Variants in LIMA1 observed in about 807,000 individuals in gnomAD.
LIMA1 encodes LIM domain and actin binding 1, also known as LIM domain and actin-binding protein 1.
A neutral mutation model predicts 62.6 loss-of-function variants in LIMA1; 52 were observed. The ratio of observed to expected loss-of-function variants is 0.83; its 90% CI spans 0.67 to 1.05. LIMA1 has a LOEUF of 1.05. Ranked by LOEUF, LIMA1 falls within the 50% of genes least tolerant of loss-of-function variation. The pLI is 0.00. For synonymous variants in LIMA1, 302 were observed against 317.8 expected, an observed-to-expected ratio of 0.95 and a Z score of 0.53; for missense variants, 780 against 902.2, an observed-to-expected ratio of 0.86 and a Z score of 1.74.
intron 1 of LIMA1, among the ~76,000 whole-genome samples, chr12:50,259,534 TA>T: frequency 6.6e-6 from 1 of 152,198 alleles, no homozygotes; most frequent in East Asian, 1.9e-4. Flanking sequence ...AGGAAGCATA[TA>T]TTTTTCAGAA....
intron 8 of LIMA1, among the ~76,000 whole-genome samples, chr12:50,193,501 ATATG>A (rs1940829510): frequency 7.4e-6 from 1 of 134,716 alleles, no homozygotes; most frequent in African/African-American, 2.7e-5. Flanking sequence ...TATATATCAT[ATATG>A]TGTATATATG....
At chr12:50,201,160 C>T (rs1220805327) in intron 6 of LIMA1, 2 of 1,165,494 alleles carry the variant, frequency 1.7e-6, no homozygotes, top group Non-Finnish European at 2.1e-6. Context: ...ACACAGAACA[C>T]CCCAAGCATA....
In LIMA1 at chr12:50,176,309, A is replaced by G. The variant is rs1376925592; in HGVS notation, c.*755T>C. On this transcript the variant is annotated 3_prime_UTR_variant, in exon 11 of 11. Transcript: ENST00000341247. ...CTTTCAGTAATTATGAGAAGCACAG[A>G]TATCACCAGAAAAGAAAGCAATCAT... The G allele has an allele frequency of 6.6e-6, 1 of 152,206 alleles. No individual in the cohort carries two copies. Among genetic ancestry groups the G allele is most frequent in the African/African-American group, 2.4e-5 (1 of 41,458 alleles). The allele number at this position is 152,206 out of a possible 1,614,324, so 9.4% of individuals were successfully genotyped here.
At chr12:50,267,631 T>A (rs1942155763) in intron 1 of LIMA1, among the ~76,000 whole-genome samples, 1 of 152,120 alleles carries the variant, frequency 6.6e-6, no homozygotes, top group Admixed American at 6.6e-5. Flanking sequence ...GCAATTCTCC[T>A]GCCTCAGCCT....
At chr12:50,225,767 G>A (rs1229406160) in intron 3 of LIMA1, among the ~76,000 whole-genome samples, 2 of 151,966 alleles carry the variant, frequency 1.3e-5, no homozygotes, top group East Asian at 3.9e-4. Flanking sequence ...GGCCAGGCTG[G>A]TCCTGACCTC....
At chr12:50,200,123 G>A (rs1592512465) in intron 7 of LIMA1, among the ~76,000 whole-genome samples, 1 of 152,020 alleles carries the variant, frequency 6.6e-6, no homozygotes. Context: ...TCGAACTCTC[G>A]ACCTCAGATG....
intron 4 of LIMA1, among the ~76,000 whole-genome samples, chr12:50,207,659 C>T (rs555682069): frequency 1.3e-5 from 2 of 151,984 alleles, no homozygotes; most frequent in Admixed American, 6.6e-5. Context: ...GAGGCCAAGG[C>T]GGGCAGATTG....
intron 1 of LIMA1, among the ~76,000 whole-genome samples, chr12:50,252,579 C>CA (rs397936373): frequency 0.43 from 25,195 of 58,552 alleles, 4,986 homozygotes; most frequent in South Asian, 0.48. Flanking sequence ...GAAACTGTCT[C>CA]AAAAAAAAAA....
chr12:50,247,085 G>A lies in LIMA1; in HGVS notation c.119+1548C>T, dbSNP rs2138634636. Among the ~76,000 whole-genome samples the A allele has an allele frequency of 1.3e-5, 2 of 152,188 alleles. 1 individual carries two copies. Among genetic ancestry groups the A allele is most frequent in the South Asian group, 4.2e-4 (2 of 4,812 alleles). On this transcript the variant is annotated intron_variant, in intron 2 of 10. Coordinates refer to ENST00000341247, the MANE Select transcript of LIMA1 (RefSeq NM_016357.5). ...CAGGAGTTTGAGGCTGCACTGAGCT[G>A]TGTGGTCACACCACTGCACTCCAGC... is the stretch of plus-strand genomic sequence containing the variant.
intron 1 of LIMA1, among the ~76,000 whole-genome samples, chr12:50,275,706 A>G (rs1170481702): frequency 6.6e-6 from 1 of 152,224 alleles, no homozygotes; most frequent in Non-Finnish European, 1.5e-5. Flanking sequence ...TGGTAACTGC[A>G]TGAGCAAAGG....
At chr12:50,269,057 C>A (rs1942172692) in intron 1 of LIMA1, among the ~76,000 whole-genome samples, 1 of 152,154 alleles carries the variant, frequency 6.6e-6, no homozygotes, top group Admixed American at 6.5e-5. Context: ...ATTGAGTCTA[C>A]CACACACTTA....
chr12:50,240,659 TTCAATG>T (rs1296899786), intron 2 of LIMA1, among the ~76,000 whole-genome samples: 1 of 151,990 alleles, frequency 6.6e-6, no homozygotes, highest in Admixed American at 6.6e-5. Flanking sequence ...AGATCAAGAG[TTCAATG>T]CTAGCCATGT....
chr12:50,267,859 T>C (rs1386024609), intron 1 of LIMA1, among the ~76,000 whole-genome samples: 1 of 152,126 alleles, frequency 6.6e-6, no homozygotes, highest in Non-Finnish European at 1.5e-5. Flanking sequence ...TCTCACTATG[T>C]TGCCCAGGCT....
chr12:50,177,547 G>T lies in LIMA1; in HGVS notation c.1797C>A (p.Ser599Arg), dbSNP rs1227649605. The change falls in exon 11 of 11, where the codon AGC (serine) becomes AGA (arginine). Residue 599 changes from serine (S) to arginine (R), a missense_variant. Coordinates refer to ENST00000341247, the MANE Select transcript of LIMA1 (RefSeq NM_016357.5). The part of the protein sequence containing the change: ...RPFTVAASFQ[S>R]TSVKSPKTVS... ...CAGTTTTTGGGCTCTTGACAGAGGT[G>T]CTTTGAAATGAAGCTGCTACAGTGA... 8.1e-6 allele frequency: 13 copies of T among 1,611,280 alleles called. No individual in the cohort carries two copies. The highest frequency in any genetic ancestry group is 1.1e-5 in the Non-Finnish European group (13 of 1,179,012).
intron 1 of LIMA1, among the ~76,000 whole-genome samples, chr12:50,261,136 T>C (rs1337246409): frequency 2.9e-5 from 4 of 138,300 alleles, no homozygotes; most frequent in Non-Finnish European, 6.1e-5. Context: ...CACTGCAAGC[T>C]CCGCCTCCCG....
intron 9 of LIMA1, among the ~76,000 whole-genome samples, chr12:50,184,413 C>A (rs1433736141): frequency 6.6e-6 from 1 of 152,168 alleles, no homozygotes; most frequent in Non-Finnish European, 1.5e-5. Flanking sequence ...GAGGCCAAGG[C>A]AGGTGGATCA....
chr12:50,255,056 A>C (rs542593444), intron 1 of LIMA1, among the ~76,000 whole-genome samples: 51 of 147,774 alleles, frequency 3.5e-4, no homozygotes, highest in African/African-American at 6.5e-4. Flanking sequence ...ACAAAAAAAA[A>C]CCACCAAACC....
chr12:50,217,184 T>C (rs1208525536), intron 4 of LIMA1, among the ~76,000 whole-genome samples: 1 of 151,900 alleles, frequency 6.6e-6, no homozygotes, highest in African/African-American at 2.4e-5. Context: ...TTCTTTCTCC[T>C]ATTTTTTCCT....
rs1941033972 is a variant in LIMA1 at position 50,200,858 on chromosome 12, T to G, written c.891A>C (p.Glu297Asp). ...YTNELKASGG[E>D]IKIHKMEQKE... The stretch of plus-strand genomic sequence containing the variant: ...TTTGCTCCATTTTATGAATTTTGAT[T>G]TCGCCACCACTGGCTTTCAGCTCAT... The change falls in exon 7 of 11, where the codon GAA (glutamate) becomes GAC (aspartate). Residue 297 changes from glutamate (E) to aspartate (D), a missense_variant. Coordinates refer to ENST00000341247, the MANE Select transcript of LIMA1 (RefSeq NM_016357.5). 6.2e-7 allele frequency: 1 copy of G among 1,614,106 alleles called. No homozygotes were observed. Among genetic ancestry groups the G allele is most frequent in the East Asian group, 2.2e-5 (1 of 44,888 alleles).
Sources: allele counts gnomAD v4.1 joint callset (sites outside exome capture counted in the v4.1 genomes callset), GRCh38; gene constraint gnomAD v4.1.1; transcripts MANE v1.5; gene names NCBI Gene and HGNC (gene_info 2026-07-23, HGNC 2026-07-21).